Variants in CSMD1 observed in about 807,000 individuals in gnomAD.
CSMD1 encodes the protein CUB and sushi domain-containing protein 1.
Under a neutral mutation model 417.5 loss-of-function variants are expected in CSMD1, and 213 were observed. That is an observed-to-expected ratio of 0.51 (90% CI 0.46 to 0.57). The LOEUF (loss-of-function observed/expected upper bound fraction) is 0.57, where lower values mean the gene tolerates loss of function less well. Ranked by LOEUF, CSMD1 falls within the 20% of genes least tolerant of loss-of-function variation. The probability of loss-of-function intolerance (pLI) is 0.00; values close to 1 mark genes in which losing one functional copy is unlikely to be tolerated. For missense variants in CSMD1, 6,923 were observed against 4,529.7 expected, an observed-to-expected ratio of 1.53 and a Z score of -15.17; for synonymous variants, 2,862 against 1,736.8, an observed-to-expected ratio of 1.65 and a Z score of -16.11.
At chr8:4,955,937 A>G (rs11782341) in intron 1 of CSMD1, among the ~76,000 whole-genome samples, 39,331 of 152,108 alleles carry the variant, frequency 0.26, 6,138 homozygotes, top group African/African-American at 0.43. Context: ...GGCGATTCAG[A>G]TGAATGGCTG....
At chr8:4,638,039 C>G (rs1394662539) in intron 1 of CSMD1, among the ~76,000 whole-genome samples, 1 of 152,106 alleles carries the variant, frequency 6.6e-6, no homozygotes, top group Non-Finnish European at 1.5e-5. Flanking sequence ...TTCTGCAGTG[C>G]TGAAAGATAG....
chr8:4,570,374 C>T (rs1436261055), intron 2 of CSMD1, among the ~76,000 whole-genome samples: 1 of 152,296 alleles, frequency 6.6e-6, no homozygotes, highest in Non-Finnish European at 1.5e-5. Context: ...AAGGCCCTGT[C>T]TGCATCTATC....
intron 4 of CSMD1, 78 bp downstream of exon 4, chr8:4,031,827 G>C: frequency 8.9e-7 from 1 of 1,118,296 alleles, no homozygotes; most frequent in Non-Finnish European, 1.2e-6. Flanking sequence ...TCATTTAAGT[G>C]GAAACTTTCA....
chr8:3,443,917 G>C (rs770844651), intron 12 of CSMD1, among the ~76,000 whole-genome samples: 4 of 152,292 alleles, frequency 2.6e-5, no homozygotes, highest in Admixed American at 2.0e-4. Flanking sequence ...GAAATTATGA[G>C]ATATTCTAAT....
chr8:3,736,953 C>G (rs1035521533), intron 6 of CSMD1, among the ~76,000 whole-genome samples: 1 of 152,164 alleles, frequency 6.6e-6, no homozygotes, highest in Non-Finnish European at 1.5e-5. Context: ...TCCCTGAGCC[C>G]TCTCCCCTAC....
intron 1 of CSMD1, among the ~76,000 whole-genome samples, chr8:4,731,368 G>A (rs1426501077): frequency 1.3e-5 from 2 of 152,118 alleles, no homozygotes; most frequent in African/African-American, 2.4e-5. Context: ...GGAGCAAGCT[G>A]CATGTGACAC....
At chr8:3,248,532 T>TTTTC (rs1800039147) in intron 26 of CSMD1, among the ~76,000 whole-genome samples, 1 of 136,878 alleles carries the variant, frequency 7.3e-6, no homozygotes, top group Admixed American at 7.7e-5. Context: ...CCTTTTTTTT[T>TTTTC]TTTTTTTTTT....
At chr8:4,882,912 G>C (rs373871933) in intron 1 of CSMD1, among the ~76,000 whole-genome samples, 56 of 152,116 alleles carry the variant, frequency 3.7e-4, no homozygotes, top group African/African-American at 1.4e-3. Flanking sequence ...TTCTTCACTA[G>C]ATTAAGTGAA....
At chr8:4,987,303 A>T (rs1235013828) in intron 1 of CSMD1, among the ~76,000 whole-genome samples, 2 of 152,200 alleles carry the variant, frequency 1.3e-5, no homozygotes, top group African/African-American at 4.8e-5. Flanking sequence ...GTGTTCAAAA[A>T]CTGTGTGTCA....
intron 5 of CSMD1, among the ~76,000 whole-genome samples, chr8:3,766,318 G>A (rs1798264036): frequency 6.6e-6 from 1 of 152,118 alleles, no homozygotes; most frequent in Non-Finnish European, 1.5e-5. Context: ...GATCACACTG[G>A]TATTAAAAAT....
At chr8:4,887,032 G>C (rs1217326809) in intron 1 of CSMD1, among the ~76,000 whole-genome samples, 1 of 151,776 alleles carries the variant, frequency 6.6e-6, no homozygotes, top group Non-Finnish European at 1.5e-5. Flanking sequence ...TGTTAATGTT[G>C]ATAATCCATT....
chr8:4,644,833 G>C (rs564277762), intron 1 of CSMD1, among the ~76,000 whole-genome samples: 2 of 152,264 alleles, frequency 1.3e-5, no homozygotes, highest in African/African-American at 4.8e-5. Flanking sequence ...ATAATGATTG[G>C]CTTGTTTATA....
intron 1 of CSMD1, among the ~76,000 whole-genome samples, chr8:4,840,192 C>G (rs1012843005): frequency 2.6e-3 from 17 of 6,494 alleles, no homozygotes; most frequent in Admixed American, 3.7e-3. Flanking sequence ...CCCCTCCACT[C>G]ATCCCTGATC....
At chr8:3,993,208 G>C (rs1028025362) in intron 5 of CSMD1, among the ~76,000 whole-genome samples, 2 of 152,204 alleles carry the variant, frequency 1.3e-5, no homozygotes, top group South Asian at 2.1e-4. Flanking sequence ...AACTCTCTGT[G>C]TTAGTGCTGC....
At chr8:2,983,170 C>G (rs1456293632) in intron 54 of CSMD1, among the ~76,000 whole-genome samples, 2 of 151,544 alleles carry the variant, frequency 1.3e-5, no homozygotes, top group Admixed American at 6.6e-5. Flanking sequence ...GAATCTATAT[C>G]TGATATATAT....
At chr8:3,340,041 G>A (rs1807544845) in intron 23 of CSMD1, among the ~76,000 whole-genome samples, 1 of 152,108 alleles carries the variant, frequency 6.6e-6, no homozygotes, top group Non-Finnish European at 1.5e-5. Flanking sequence ...AAGATACTCT[G>A]GTTTTTCTTC....
chr8:4,023,163 T>C (rs1487561593), intron 4 of CSMD1, among the ~76,000 whole-genome samples: 1 of 152,190 alleles, frequency 6.6e-6, no homozygotes, highest in Non-Finnish European at 1.5e-5. Flanking sequence ...ACAACTCAAG[T>C]TCTTCCTTTT....
At chr8:4,974,516 T>C (rs1211263597) in intron 1 of CSMD1, among the ~76,000 whole-genome samples, 1 of 115,332 alleles carries the variant, frequency 8.7e-6, no homozygotes, top group Non-Finnish European at 2.1e-5. Flanking sequence ...AAAATTATTT[T>C]TAACATAATA....
At chr8:3,851,176 C>G (rs773706881) in intron 5 of CSMD1, among the ~76,000 whole-genome samples, 2 of 152,100 alleles carry the variant, frequency 1.3e-5, no homozygotes, top group Non-Finnish European at 2.9e-5. Flanking sequence ...ATTATGATAT[C>G]AGTTTTCAAA....
Sources: gnomAD v4.1 joint callset for allele counts (sites outside exome capture counted in the v4.1 genomes callset) on GRCh38, gnomAD v4.1.1 for gene constraint, MANE v1.5 for transcripts, NCBI Gene and HGNC (gene_info 2026-07-23, HGNC 2026-07-21) for gene names.